Variants in VWA3B observed in about 807,000 individuals in gnomAD.
VWA3B encodes von Willebrand factor A domain-containing protein 3B.
VWA3B carries 138 observed loss-of-function variants against 158.3 expected under a neutral mutation model. That is an observed-to-expected ratio of 0.87 (90% CI 0.76 to 1.00). The LOEUF (loss-of-function observed/expected upper bound fraction) is 1.00. Ranked by LOEUF, VWA3B falls within the 50% of genes least tolerant of loss-of-function variation. The pLI, the probability that VWA3B is intolerant of heterozygous loss-of-function variation, is 0.00. For synonymous variants in VWA3B, 596 were observed against 587.3 expected, an observed-to-expected ratio of 1.01 and a Z score of -0.21; for missense variants, 1,555 against 1,565.1, an observed-to-expected ratio of 0.99 and a Z score of 0.11.
At chr2:98,231,618 T>C (rs757038631) in intron 16 of VWA3B, among the ~76,000 whole-genome samples, 4 of 152,164 alleles carry the variant, frequency 2.6e-5, no homozygotes, top group Non-Finnish European at 4.4e-5. Context: ...CAGAAAACTA[T>C]AACACTTCTA....
intron 12 of VWA3B, among the ~76,000 whole-genome samples, chr2:98,205,320 G>T (rs1442789336): frequency 1.3e-5 from 2 of 152,130 alleles, no homozygotes; most frequent in African/African-American, 4.8e-5. Flanking sequence ...TGAGCATAAA[G>T]TTTTTCATAA....
chr2:98,294,203 C>CAAAAAAAAAAAAAAAAAAAAAAAAAA, intron 23 of VWA3B, among the ~76,000 whole-genome samples: 1 of 56,296 alleles, frequency 1.8e-5, no homozygotes, highest in Non-Finnish European at 3.0e-5. Flanking sequence ...CACACACACA[C>CAAAAAAAAAAAAAAAAAAAAAAAAAA]AAAAAAAAAA....
intron 7 of VWA3B, among the ~76,000 whole-genome samples, chr2:98,134,536 G>C (rs1676119913): frequency 6.6e-6 from 1 of 152,218 alleles, no homozygotes; most frequent in Non-Finnish European, 1.5e-5. Flanking sequence ...AAAGCCAGGA[G>C]ATGGGAGTTT....
intron 7 of VWA3B, among the ~76,000 whole-genome samples, chr2:98,151,957 G>C (rs1381705019): frequency 6.6e-6 from 1 of 152,214 alleles, no homozygotes; most frequent in Non-Finnish European, 1.5e-5. Flanking sequence ...GTGTCACAAA[G>C]AGCATTTTTC....
intron 22 of VWA3B, among the ~76,000 whole-genome samples, chr2:98,272,391 G>C (rs1249998452): frequency 6.6e-6 from 1 of 152,214 alleles, no homozygotes; most frequent in East Asian, 1.9e-4. Flanking sequence ...TCCTTTCCCT[G>C]AGTGCTCTCC....
intron 8 of VWA3B, among the ~76,000 whole-genome samples, chr2:98,180,476 G>A (rs1464537498): frequency 6.6e-6 from 1 of 152,250 alleles, no homozygotes; most frequent in Non-Finnish European, 1.5e-5. Flanking sequence ...ATTGGCGTGA[G>A]CCACCATGCC....
At chr2:98,275,057 G>A (rs1005687530) in intron 22 of VWA3B, among the ~76,000 whole-genome samples, 4 of 152,100 alleles carry the variant, frequency 2.6e-5, no homozygotes, top group Admixed American at 1.3e-4. Flanking sequence ...TGTTTATTTT[G>A]CAGCACACTT....
intron 21 of VWA3B, among the ~76,000 whole-genome samples, chr2:98,267,889 C>T (rs530121796): frequency 2.8e-4 from 42 of 152,200 alleles, no homozygotes; most frequent in Admixed American, 7.8e-4. Flanking sequence ...ATACAAACTA[C>T]CATCAGAGAA....
intron 2 of VWA3B, among the ~76,000 whole-genome samples, chr2:98,096,508 A>G (rs1682722245): frequency 6.6e-6 from 1 of 152,160 alleles, no homozygotes; most frequent in Non-Finnish European, 1.5e-5. Context: ...ACCTCAGCTG[A>G]TCCACCTGCC....
rs140621062 is a variant in VWA3B, at chr2:98,117,929, G to C, written c.292-1584G>C. Among the ~76,000 whole-genome samples, 776 of 152,028 alleles carry C rather than the reference G, an allele frequency of 5.1e-3. 16 individuals carry two copies. In the East Asian group the frequency reaches 0.088, roughly 17 times the overall value. ...TTTTTGTATTTTTAGTAGAGATGGG[G>C]TTTCACCATGTTGGCCAGGCTGGTC... On this transcript the variant is annotated intron_variant, in intron 3 of 27. Transcript: ENST00000477737.
At chr2:98,316,620 G>A (rs145863298), downstream of VWA3B, among the ~76,000 whole-genome samples, 346 of 149,970 alleles carry the variant, frequency 2.3e-3, 1 homozygote, top group African/African-American at 5.7e-3. Flanking sequence ...GTACCCCAGC[G>A]TGGGCAACAA....
chr2:98,235,319 G>A (rs1295705552), intron 17 of VWA3B, among the ~76,000 whole-genome samples: 1 of 152,086 alleles, frequency 6.6e-6, no homozygotes, highest in African/African-American at 2.4e-5. Flanking sequence ...CAATCCCCTA[G>A]GGAGTAGGAA....
chr2:98,147,541 A>G (rs1372202562), intron 7 of VWA3B, among the ~76,000 whole-genome samples: 2 of 152,216 alleles, frequency 1.3e-5, no homozygotes, highest in Non-Finnish European at 2.9e-5. Context: ...ACATTACTAT[A>G]AAATTTTTGT....
chr2:98,296,780 T>C (rs1413904431), intron 23 of VWA3B, among the ~76,000 whole-genome samples: 3 of 152,156 alleles, frequency 2.0e-5, no homozygotes, highest in Non-Finnish European at 2.9e-5. Flanking sequence ...AATCCCTTTT[T>C]AATGGGAGGA....
chr2:98,167,614 G>A (rs1300712631), intron 8 of VWA3B, among the ~76,000 whole-genome samples: 1 of 152,140 alleles, frequency 6.6e-6, no homozygotes, highest in African/African-American at 2.4e-5. Flanking sequence ...ACAATTCACA[G>A]GACAAAGTAC....
At chr2:98,268,127 ACCAT>A (rs1687964192) in intron 21 of VWA3B, among the ~76,000 whole-genome samples, 1 of 151,628 alleles carries the variant, frequency 6.6e-6, no homozygotes, top group Admixed American at 6.6e-5. Context: ...AGGAACTGGT[ACCAT>A]TCCTTCTGAA....
chr2:98,311,810 T>C lies in VWA3B; in HGVS notation c.3522-9T>C, dbSNP rs1357516476. The C allele has an allele frequency of 6.3e-7, 1 of 1,588,684 alleles. No homozygotes were observed. Among genetic ancestry groups the C allele is most frequent in the Admixed American group, 1.8e-5 (1 of 56,682 alleles). Reference sequence around the variant, plus strand: ...AGGCAGGGTAACCCTGATCTCTCTCTGTCTCTAGAGAGGATGTGGAGGCGA... The same window carrying C: ...AGGCAGGGTAACCCTGATCTCTCTCCGTCTCTAGAGAGGATGTGGAGGCGA... On this transcript the variant is annotated splice_polypyrimidine_tract_variant and intron_variant, in intron 26 of 27. Coordinates refer to ENST00000477737, the MANE Select transcript of VWA3B (RefSeq NM_144992.5).
rs770917627 is a variant in VWA3B, at chr2:98,192,975, C to T, written c.1544C>T (p.Thr515Met). The T allele has an allele frequency of 2.1e-5, 34 of 1,613,978 alleles. No homozygotes were observed. The highest frequency in any genetic ancestry group is 1.6e-4 in the Middle Eastern group (1 of 6,084). Residue 515 changes from threonine (T) to methionine (M), a missense_variant, in exon 11 of 28, where the codon ACG becomes ATG. By Grantham distance (81) the Thr-to-Met change is moderately conservative. Transcript: ENST00000477737. ...HNDCIYILID[T>M]SHSMKSKLDL... is the part of the protein sequence containing the mutation. ...GATTGCATCTACATTCTCATTGACACGTCTCACTCAATGAAGAGCAAACTG... is the reference window on the plus strand; with the variant it reads ...GATTGCATCTACATTCTCATTGACATGTCTCACTCAATGAAGAGCAAACTG...
intron 22 of VWA3B, among the ~76,000 whole-genome samples, chr2:98,281,306 G>A (rs865781017): frequency 6.6e-6 from 1 of 152,148 alleles, no homozygotes; most frequent in Non-Finnish European, 1.5e-5. Context: ...AAATGTCCCG[G>A]TCTTTTAATT....
Sources: allele counts gnomAD v4.1 joint callset (sites outside exome capture counted in the v4.1 genomes callset), GRCh38; gene constraint gnomAD v4.1.1; transcripts MANE v1.5; gene names NCBI Gene and HGNC (gene_info 2026-07-23, HGNC 2026-07-21).